Variants in ANO10 observed in about 807,000 individuals in gnomAD.
The protein encoded by ANO10 is anoctamin-10.
In ANO10, 77 loss-of-function variants were observed where a neutral mutation model predicts 74.7. The observed-to-expected ratio is 1.03, with a 90% CI of 0.86 to 1.25. The LOEUF is 1.25. ANO10 is among the 50% of genes most tolerant of loss of function. The pLI is 0.00. For missense variants in ANO10, 721 were observed against 778.1 expected, an observed-to-expected ratio of 0.93 and a Z score of 0.87; for synonymous variants, 279 against 284.9, an observed-to-expected ratio of 0.98 and a Z score of 0.21.
chr3:43,418,347 T>C (rs1299571157), intron 12 of ANO10, among the ~76,000 whole-genome samples: 1 of 152,164 alleles, frequency 6.6e-6, no homozygotes, highest in African/African-American at 2.4e-5. Flanking sequence ...TAGATCTTTA[T>C]TGGTTGTTAC....
intron 11 of ANO10, among the ~76,000 whole-genome samples, chr3:43,448,873 C>CTTTT (rs35711363): frequency 7.4e-5 from 10 of 134,274 alleles, no homozygotes; most frequent in Admixed American, 4.6e-4. Context: ...TTCTTTCTTT[C>CTTTT]TTTTTTTTTT....
intron 11 of ANO10, among the ~76,000 whole-genome samples, chr3:43,466,369 C>CAAAAAAAAAAAA (rs36126977): frequency 2.2e-5 from 1 of 45,392 alleles, no homozygotes; most frequent in East Asian, 8.6e-4. Context: ...GACTCCATCT[C>CAAAAAAAAAAAA]AAAAAAAAAA....
chr3:43,545,585 C>T (rs1203124096), intron 11 of ANO10, among the ~76,000 whole-genome samples: 7 of 152,008 alleles, frequency 4.6e-5, no homozygotes, highest in Non-Finnish European at 8.8e-5. Flanking sequence ...AGGCTGGTCT[C>T]GAACTCCTGA....
chr3:43,683,740 C>A (rs540612944), intron 1 of ANO10, among the ~76,000 whole-genome samples: 149 of 152,106 alleles, frequency 9.8e-4, no homozygotes, highest in African/African-American at 3.5e-3. Flanking sequence ...AGATATAGAC[C>A]AATGGAACAG....
At chr3:43,572,279 C>T (rs575780581) in intron 7 of ANO10, among the ~76,000 whole-genome samples, 2 of 152,296 alleles carry the variant, frequency 1.3e-5, no homozygotes, top group African/African-American at 4.8e-5. Context: ...TGCTCTTCTT[C>T]CTTGCTGGGC....
intron 1 of ANO10, among the ~76,000 whole-genome samples, chr3:43,613,944 G>A (rs2082958648): frequency 6.6e-6 from 1 of 152,116 alleles, no homozygotes; most frequent in African/African-American, 2.4e-5. Flanking sequence ...TGTAGCCTCA[G>A]GAGAGGGCAC....
chr3:43,551,670 G>A (rs557370914), intron 10 of ANO10: 1 of 422,302 alleles, frequency 2.4e-6, no homozygotes, highest in South Asian at 1.7e-5. Context: ...CTGGTAATTT[G>A]ACACTTTTAT....
intron 11 of ANO10, among the ~76,000 whole-genome samples, chr3:43,519,833 C>A (rs568698422): frequency 4.6e-5 from 7 of 152,210 alleles, no homozygotes; most frequent in Middle Eastern, 3.4e-3. Flanking sequence ...CTGAACTTTA[C>A]ATTTTTCTTA....
chr3:43,437,023 G>A (rs779863438), intron 11 of ANO10, among the ~76,000 whole-genome samples: 1 of 152,122 alleles, frequency 6.6e-6, no homozygotes, highest in Non-Finnish European at 1.5e-5. Context: ...CTGATTACTA[G>A]ACAAATTACA....
intron 1 of ANO10, among the ~76,000 whole-genome samples, chr3:43,658,300 C>A (rs1225086830): frequency 6.6e-6 from 1 of 151,982 alleles, no homozygotes; most frequent in Non-Finnish European, 1.5e-5. Context: ...ATCTTTGTCA[C>A]AGAGCAAATC....
At chr3:43,606,729 C>A (rs2082584108) in intron 1 of ANO10, among the ~76,000 whole-genome samples, 2 of 151,756 alleles carry the variant, frequency 1.3e-5, no homozygotes, top group African/African-American at 4.8e-5. Flanking sequence ...CTCTACAGTA[C>A]CCATCTCAGC....
At chr3:43,583,880 A>G (rs2081363743) in intron 4 of ANO10, among the ~76,000 whole-genome samples, 1 of 152,270 alleles carries the variant, frequency 6.6e-6, no homozygotes, top group African/African-American at 2.4e-5. Flanking sequence ...ATAATATTAA[A>G]GACATAATAT....
At chr3:43,648,879 G>A (rs760298993) in intron 1 of ANO10, among the ~76,000 whole-genome samples, 16 of 151,928 alleles carry the variant, frequency 1.1e-4, no homozygotes, top group Non-Finnish European at 1.9e-4. Context: ...GGGTTTCATC[G>A]TGTTAGCCAG....
At chr3:43,406,881 T>C (rs1350361418) in intron 12 of ANO10, among the ~76,000 whole-genome samples, 2 of 151,762 alleles carry the variant, frequency 1.3e-5, no homozygotes, top group Non-Finnish European at 2.9e-5. Flanking sequence ...ACCTGCAGTG[T>C]GCACGCTGAG....
intron 12 of ANO10, among the ~76,000 whole-genome samples, chr3:43,400,472 T>C (rs76656754): frequency 0.024 from 3,667 of 152,060 alleles, 163 homozygotes; most frequent in African/African-American, 0.085. Context: ...TGAAATACTG[T>C]GTCTTCAGAA....
chr3:43,605,937 T>C, intron 1 of ANO10, 74 bp from the exon 2 acceptor site: 1 of 1,522,478 alleles, frequency 6.6e-7, no homozygotes, highest in Non-Finnish European at 9.0e-7. Context: ...AGACTTCATT[T>C]TCTCCCAATT....
chr3:43,468,980 G>T (rs1301261973), intron 11 of ANO10, among the ~76,000 whole-genome samples: 3 of 149,472 alleles, frequency 2.0e-5, no homozygotes, highest in Admixed American at 6.7e-5. Flanking sequence ...AAAGTACTGG[G>T]ATTACAGGTG....
intron 12 of ANO10, among the ~76,000 whole-genome samples, chr3:43,429,411 G>A (rs562850188): frequency 6.6e-6 from 1 of 152,040 alleles, no homozygotes; most frequent in African/African-American, 2.4e-5. Flanking sequence ...AAAATTTACT[G>A]TATAGATATA....
At chr3:43,583,418 G>A (rs1157666709) in intron 4 of ANO10, among the ~76,000 whole-genome samples, 1 of 152,146 alleles carries the variant, frequency 6.6e-6, no homozygotes, top group African/African-American at 2.4e-5. Flanking sequence ...CTGGGGATAT[G>A]GCTGTAATAG....
Sources: gnomAD v4.1 joint callset for allele counts (sites outside exome capture counted in the v4.1 genomes callset) on GRCh38, gnomAD v4.1.1 for gene constraint, MANE v1.5 for transcripts, NCBI Gene and HGNC (gene_info 2026-07-23, HGNC 2026-07-21) for gene names.